The following DCDC2 variants were observed in gnomAD, a reference collection of about 807,000 sequenced individuals.
The protein encoded by DCDC2 is doublecortin domain-containing protein 2.
In DCDC2, 40 loss-of-function variants were observed where a neutral mutation model predicts 50.2. The ratio of observed to expected loss-of-function variants is 0.80; its 90% CI spans 0.62 to 1.04. DCDC2 has a LOEUF of 1.04. Among genes scored for constraint, DCDC2 ranks in the 50% least tolerant of loss-of-function variants. The pLI is 0.00. For missense variants in DCDC2, 570 were observed against 581.9 expected (o/e 0.98, Z 0.21); for synonymous variants, 234 against 210.6 (o/e 1.11, Z -0.96).
intron 2 of DCDC2, among the ~76,000 whole-genome samples, chr6:24,332,199 C>T (rs1759977073): frequency 6.6e-6 from 1 of 152,146 alleles, no homozygotes; most frequent in Admixed American, 6.6e-5. Context: ...TTGCCACTTC[C>T]CATCAAGAGA....
chr6:24,215,648 AT>A (rs772335937), intron 7 of DCDC2, among the ~76,000 whole-genome samples: 1 of 152,208 alleles, frequency 6.6e-6, no homozygotes, highest in Non-Finnish European at 1.5e-5. Context: ...ACATATTAAA[AT>A]TGGAGATCAG....
At chr6:24,381,178 A>G in the DCDC2 span, among the ~76,000 whole-genome samples, 1 of 152,232 alleles carries the variant, frequency 6.6e-6, no homozygotes, top group African/African-American at 2.4e-5. Flanking sequence ...ACATTATGAA[A>G]TAAGCACAAT....
chr6:24,182,842 AT>A (rs201177184), intron 8 of DCDC2, among the ~76,000 whole-genome samples: 2,818 of 152,304 alleles, frequency 0.019, 39 homozygotes, highest in Middle Eastern at 0.044. Context: ...TTGAAGAGAT[AT>A]TTGTACACCC....
chr6:24,232,167 A>G (rs1489700155), intron 7 of DCDC2, among the ~76,000 whole-genome samples: 1 of 152,218 alleles, frequency 6.6e-6, no homozygotes, highest in Non-Finnish European at 1.5e-5. Flanking sequence ...AGGAATATCC[A>G]TGCACTCAAG....
intron 7 of DCDC2, among the ~76,000 whole-genome samples, chr6:24,264,597 G>C: frequency 6.6e-6 from 1 of 151,468 alleles, no homozygotes; most frequent in East Asian, 1.9e-4. Flanking sequence ...CAAGCCTCAT[G>C]GTAACCTCAA....
intron 7 of DCDC2, among the ~76,000 whole-genome samples, chr6:24,245,183 AAC>A (rs1232490134): frequency 6.6e-6 from 1 of 152,162 alleles, no homozygotes; most frequent in Non-Finnish European, 1.5e-5. Flanking sequence ...GACAGAGGGA[AAC>A]TCCATCTCAG....
chr6:24,275,613 A>T (rs1318058365), intron 7 of DCDC2, among the ~76,000 whole-genome samples: 1 of 152,220 alleles, frequency 6.6e-6, no homozygotes, highest in Non-Finnish European at 1.5e-5. Context: ...AATGAGATCC[A>T]GCAATTTAAA....
At chr6:24,269,182 C>A (rs1763186772) in intron 7 of DCDC2, among the ~76,000 whole-genome samples, 1 of 152,188 alleles carries the variant, frequency 6.6e-6, no homozygotes, top group South Asian at 2.1e-4. Context: ...GGAAATACTC[C>A]TTCCCTGTCT....
In DCDC2 at chr6:24,278,072, G is replaced by C. The variant is rs766172465; in HGVS notation, c.899C>G (p.Ser300Ter). The C allele has an allele frequency of 6.2e-7, 1 of 1,612,090 alleles. No homozygotes were observed. Among genetic ancestry groups the C allele is most frequent in the Non-Finnish European group, 8.5e-7 (1 of 1,178,850 alleles). Residue 300 changes from serine to a stop codon, truncating the protein, a stop_gained, in exon 7 of 10, where the codon TCA (serine) becomes TGA (stop). Coordinates refer to ENST00000378454, the MANE Select transcript of DCDC2 (RefSeq NM_016356.5). LOFTEE classifies it high-confidence loss of function. ...ACCACTATTTGGAATGGTTTCTTGT[G>C]AATTCTTTAATTTTACATTTTGTTT... ...KLKQNVKLKN[S>*]QETIPNSDEG... is the part of the protein sequence containing the mutation.
chr6:24,360,811 A>C (rs1222048689), upstream of DCDC2, among the ~76,000 whole-genome samples: 1 of 152,202 alleles, frequency 6.6e-6, no homozygotes, highest in East Asian at 1.9e-4. Context: ...TATGTAAGGC[A>C]CTTTATGTAG....
rs537914609 is a variant in DCDC2 at position 24,325,472 on chromosome 6, G to A, written c.349-23428C>T. ...TATTGTCTTCTCTAAGAAACTAAAC[G>A]TCCCTCACATGCTTGAAGATGTCGC... is the stretch of plus-strand genomic sequence containing the variant. On this transcript the variant is annotated intron_variant, in intron 2 of 9. Transcript: ENST00000378454. 5.8e-4 allele frequency among the ~76,000 whole-genome samples: 86 copies of A among 149,392 alleles called. 5 individuals carry two copies. Among genetic ancestry groups the A allele is most frequent in the Non-Finnish European group, 1.2e-3 (82 of 67,170 alleles).
chr6:24,174,781 T>C lies in DCDC2; in HGVS notation c.1380A>G (p.Pro460=). The change falls in exon 10 of 10, where the codon CCA becomes CCG. Residue 460 remains proline, a synonymous_variant. Coordinates refer to ENST00000378454, the MANE Select transcript of DCDC2 (RefSeq NM_016356.5). ...PPRPEVKITS[P]EENENNQQNK... ...TTTGTTGGTTGTTTTCATTTTCTTC[T>C]GGACTGGTAATTTTTACTTCTGGCC... 1 of 1,613,852 alleles carries C rather than the reference T, an allele frequency of 6.2e-7. No homozygotes were observed. Among genetic ancestry groups the C allele is most frequent in the African/African-American group, 1.3e-5 (1 of 75,028 alleles).
At chr6:24,381,833 AGG>A in the DCDC2 span, among the ~76,000 whole-genome samples, 2 of 144,684 alleles carry the variant, frequency 1.4e-5, no homozygotes, top group Non-Finnish European at 3.0e-5. Context: ...GAAGGAAGGA[AGG>A]AAGGAAGGAA....
At position 24,172,595 on chromosome 6, in the gene DCDC2, A is replaced by G. The variant is rs368586909; in HGVS notation, c.*2135T>C. The G allele has an allele frequency of 4.6e-5, 7 of 152,266 alleles. No individual in the cohort carries two copies. In the South Asian group the frequency reaches 1.4e-3, roughly 32 times the overall value. The allele number at this position is 152,266 out of a possible 1,614,324, so 9.4% of individuals were successfully genotyped here. A position where few individuals can be genotyped will look rare whatever the true frequency, so the allele number is the denominator to read the frequency against. ...TCCATTGAAGAAACAAAAGAGAATC[A>G]CCTTGATAATTAGTTATAATTTCTT... On this transcript the variant is annotated 3_prime_UTR_variant, in exon 10 of 10. Transcript: ENST00000378454.
At chr6:24,300,456 G>C (rs150096862) in intron 4 of DCDC2, among the ~76,000 whole-genome samples, 1 of 152,170 alleles carries the variant, frequency 6.6e-6, no homozygotes, top group Non-Finnish European at 1.5e-5. Flanking sequence ...ATGCTGAAAA[G>C]TACTAGGGAG....
chr6:24,211,983 A>C (rs1228076151), intron 7 of DCDC2, among the ~76,000 whole-genome samples: 2 of 152,168 alleles, frequency 1.3e-5, no homozygotes, highest in African/African-American at 4.8e-5. Flanking sequence ...GTGGCCTGTT[A>C]GGAACTGGGC....
Position 24,178,448 on chromosome 6 carries a change from C to T in DCDC2, c.1208G>A (p.Arg403His), listed in dbSNP as rs139858268. The stretch of plus-strand genomic sequence containing the variant: ...CTCCTCATCGGTGCCTCCATTTACA[C>T]GAGCAGGGCGTGCCTGCTGCTCACT... ...DHSEQQARPA[R>H]VNGGTDEENG... Residue 403 changes from arginine to histidine, a missense_variant, in exon 9 of 10, where the codon CGT becomes CAT. Arg to His is a conservative substitution (Grantham distance 29). Coordinates refer to ENST00000378454, the MANE Select transcript of DCDC2 (RefSeq NM_016356.5). The T allele has an allele frequency of 3.8e-4, 610 of 1,614,202 alleles. 4 individuals carry two copies. In the African/African-American group the frequency reaches 6.5e-3, roughly 17 times the overall value.
At chr6:24,181,573 A>G (rs1230622262) in intron 8 of DCDC2, among the ~76,000 whole-genome samples, 1 of 152,212 alleles carries the variant, frequency 6.6e-6, no homozygotes, top group Non-Finnish European at 1.5e-5. Flanking sequence ...TACAGAAACA[A>G]TTTCATTTAC....
intron 7 of DCDC2, among the ~76,000 whole-genome samples, chr6:24,263,371 C>T (rs796641763): frequency 1.1e-4 from 16 of 152,264 alleles, no homozygotes; most frequent in African/African-American, 3.9e-4. Context: ...TCCCGAGAAA[C>T]ATGACCTCAC....
Sources: gnomAD v4.1 joint callset for allele counts (sites outside exome capture counted in the v4.1 genomes callset) on GRCh38, gnomAD v4.1.1 for gene constraint, MANE v1.5 for transcripts, NCBI Gene and HGNC (gene_info 2026-07-23, HGNC 2026-07-21) for gene names.